The following NPAS1 variants were observed in gnomAD, a reference collection of about 807,000 sequenced individuals.
NPAS1 encodes neuronal PAS domain-containing protein 1.
Under a neutral mutation model 49.2 loss-of-function variants are expected in NPAS1, and 29 were observed. The observed-to-expected ratio is 0.59, with a 90% CI of 0.44 to 0.80. The LOEUF (loss-of-function observed/expected upper bound fraction) is 0.80, where lower values mean the gene tolerates loss of function less well. Ranked by LOEUF, NPAS1 falls within the 30% of genes least tolerant of loss-of-function variation. NPAS1 has a pLI of 0.00. For synonymous variants in NPAS1, 408 were observed against 380.4 expected, an observed-to-expected ratio of 1.07 and a Z score of -0.84; for missense variants, 825 against 835.5, an observed-to-expected ratio of 0.99 and a Z score of 0.15.
rs749867617 is a variant in NPAS1, at chr19:47,039,484, C to G, written c.882C>G (p.Pro294=). The G allele has an allele frequency of 3.7e-6, 6 of 1,611,020 alleles. No individual in the cohort carries two copies. The highest frequency in any genetic ancestry group is 5.1e-6 in the Non-Finnish European group (6 of 1,178,964). The change falls in exon 8 of 12, where the codon CCC becomes CCG. Residue 294 remains proline (P), a synonymous_variant. Coordinates refer to ENST00000602212, the MANE Select transcript of NPAS1 (RefSeq NM_002517.4). ...VALGHTLPPA[P]LAELPLHGHM... ...TCGGGCACACGTTGCCCCCGGCCCC[C>G]CTGGCTGAGCTGCCACTCCATGGAC... is the stretch of plus-strand genomic sequence containing the variant.
chr19:47,041,141 A>T lies in NPAS1; in HGVS notation c.1217+16A>T. On this transcript the variant is annotated intron_variant, in intron 10 of 11. Coordinates refer to ENST00000602212, the MANE Select transcript of NPAS1 (RefSeq NM_002517.4). ...ACGTGCTCAGGTGAGGGCTGTGCCC[A>T]CCCCTCCTGCAGGGCACTCAGGGCC... 2 of 1,551,732 alleles carry T rather than the reference A, an allele frequency of 1.3e-6. No homozygotes were observed. Among genetic ancestry groups the T allele is most frequent in the East Asian group, 2.4e-5 (1 of 42,402 alleles).
At position 47,032,302 on chromosome 19, in the gene NPAS1, C is replaced by A; in HGVS notation, c.383C>A (p.Ala128Glu). Residue 128 changes from alanine to glutamate, a missense_variant, in exon 4 of 12, where the codon GCG becomes GAG. By Grantham distance (107) the Ala-to-Glu change is moderately radical (BLOSUM62 -1). Coordinates refer to ENST00000602212, the MANE Select transcript of NPAS1 (RefSeq NM_002517.4). ...GLAPGRRGPA[A>E]LVSEVFEQHL... is the part of the protein sequence containing the mutation. ...GCCCCAGGCCGCCGCGGCCCCGCAG[C>A]GCTGGTCTCCGAAGTCTTCGAGCAG... The A allele has an allele frequency of 6.2e-7, 1 of 1,613,992 alleles. No individual in the cohort carries two copies. Among genetic ancestry groups the A allele is most frequent in the Non-Finnish European group, 8.5e-7 (1 of 1,180,002 alleles).
intron 11 of NPAS1, among the ~76,000 whole-genome samples, chr19:47,043,891 C>A (rs58325822): frequency 6.6e-6 from 1 of 151,818 alleles, no homozygotes; most frequent in Non-Finnish European, 1.5e-5. Context: ...ATAGTGAGAC[C>A]CCATCTCAAC....
At chr19:47,035,868 C>A in intron 5 of NPAS1, 96 bp from the exon 6 acceptor site, 1 of 1,277,666 alleles carries the variant, frequency 7.8e-7, no homozygotes, top group Non-Finnish European at 1.1e-6. Flanking sequence ...AGCGCACCTG[C>A]GTGCAGGCAA....
At chr19:47,035,099 T>G (rs1461762842) in intron 5 of NPAS1, among the ~76,000 whole-genome samples, 1 of 151,206 alleles carries the variant, frequency 6.6e-6, no homozygotes, top group African/African-American at 2.4e-5. Flanking sequence ...GAGAATTGCT[T>G]GAACCTGGGA....
intron 3 of NPAS1, 92 bp from the exon 4 acceptor site, chr19:47,032,186 G>A: frequency 1.7e-6 from 2 of 1,162,786 alleles, no homozygotes; most frequent in Admixed American, 3.9e-5. Context: ...AGCCTTAGGG[G>A]AAGAGAGGGA....
At chr19:47,036,197 C>T in intron 6 of NPAS1, 68 bp downstream of exon 6, 1 of 1,459,286 alleles carries the variant, frequency 6.9e-7, no homozygotes, top group Admixed American at 2.0e-5. Flanking sequence ...GTACTGTATC[C>T]AGCCATGCCG....
At chr19:47,031,193 GT>G (rs780068160) in intron 3 of NPAS1, among the ~76,000 whole-genome samples, 14,617 of 142,458 alleles carry the variant, frequency 0.1, 893 homozygotes, top group South Asian at 0.23. Context: ...GTGTGTGTGT[GT>G]TTTTTTTTTT....
intron 9 of NPAS1, 21 bp from the exon 10 acceptor site, chr19:47,040,957 C>T: frequency 7.1e-7 from 1 of 1,414,792 alleles, no homozygotes; most frequent in Admixed American, 2.9e-5. Context: ...CCCTTCCCAT[C>T]TCTCCCTGGG....
intron 3 of NPAS1, among the ~76,000 whole-genome samples, chr19:47,027,115 G>A (rs927304294): frequency 1.1e-4 from 17 of 152,202 alleles, no homozygotes; most frequent in African/African-American, 4.1e-4. Context: ...ACCCCATGGT[G>A]CTTGCCCCCA....
At chr19:47,035,204 A>G (rs948630526) in intron 5 of NPAS1, 2 of 153,236 alleles carry the variant, frequency 1.3e-5, no homozygotes, top group African/African-American at 4.8e-5. Context: ...GAAGAAGAAG[A>G]AGAAGAAGAA....
intron 10 of NPAS1, 100 bp from the exon 11 acceptor site, chr19:47,042,710 C>G: frequency 1.1e-6 from 1 of 899,882 alleles, no homozygotes; most frequent in Admixed American, 3.0e-5. Context: ...CACATTTCCC[C>G]GTGGGAGTGT....
Position 47,045,194 on chromosome 19 carries a change from C to T in NPAS1, c.1316C>T (p.Pro439Leu), listed in dbSNP as rs1225000874. 4.3e-6 allele frequency: 7 copies of T among 1,612,962 alleles called. No homozygotes were observed. The Admixed American group carries it at 1.0e-4, about 23-fold the overall frequency. Residue 439 changes from proline (P) to leucine (L), a missense_variant, in exon 12 of 12, where the codon CCG (proline) becomes CTG (leucine). Physicochemically the swap from Pro to Leu is moderately conservative, Grantham distance 98. Coordinates refer to ENST00000602212, the MANE Select transcript of NPAS1 (RefSeq NM_002517.4). ...CCTCAGCATCTTCCTCTTCCAGAGC[C>T]GGAGCCTCCGACGGAAGGGAAGCAG... ...ASSPGPEPTE[P>L]EPPTEGKQAA...
intron 3 of NPAS1, 66 bp from the exon 4 acceptor site, chr19:47,032,212 T>TC: frequency 6.8e-7 from 1 of 1,463,626 alleles, no homozygotes; most frequent in South Asian, 1.1e-5. Context: ...GTAGACTGGC[T>TC]CCCGGGGGAC....
chr19:47,031,408 G>C (rs929065606), intron 3 of NPAS1, among the ~76,000 whole-genome samples: 1 of 151,948 alleles, frequency 6.6e-6, no homozygotes, highest in East Asian at 1.9e-4. Context: ...ATGTTGCCCA[G>C]GCTGGTCTCA....
At chr19:47,020,478 C>T (rs896738357) in intron 1 of NPAS1, among the ~76,000 whole-genome samples, 1 of 151,876 alleles carries the variant, frequency 6.6e-6, no homozygotes, top group African/African-American at 2.4e-5. Context: ...CTGGGGGGAT[C>T]CCTGGGCAGG....
At chr19:47,025,531 G>A (rs1384581782) in intron 3 of NPAS1, among the ~76,000 whole-genome samples, 1 of 151,716 alleles carries the variant, frequency 6.6e-6, no homozygotes, top group Non-Finnish European at 1.5e-5. Flanking sequence ...GCCTGCCGCA[G>A]CCTCCCAAAG....
At position 47,041,025 on chromosome 19, in the gene NPAS1, C is replaced by A; in HGVS notation, c.1117C>A (p.Arg373Ser). 2 of 1,559,038 alleles carry A rather than the reference C, an allele frequency of 1.3e-6. No homozygotes were observed. Among genetic ancestry groups the A allele is most frequent in the Non-Finnish European group, 8.7e-7 (1 of 1,155,344 alleles). ...VMTGYYRWLQ[R>S]AGGFVWLQSV... ...GACTGGTTACTACCGTTGGCTGCAGCGTGCCGGGGGCTTCGTGTGGCTGCA... is the reference window on the plus strand; with the variant it reads ...GACTGGTTACTACCGTTGGCTGCAGAGTGCCGGGGGCTTCGTGTGGCTGCA... Residue 373 changes from arginine (R) to serine (S), a missense_variant, in exon 10 of 12, where the codon CGT (arginine) becomes AGT (serine). Transcript: ENST00000602212.
chr19:47,021,653 G>A lies in NPAS1; in HGVS notation c.164G>A (p.Arg55His), dbSNP rs987662628. The change falls in exon 3 of 12, where the codon CGC (arginine) becomes CAC (histidine). Residue 55 changes from arginine to histidine, a missense_variant. Transcript: ENST00000602212. This position sits in a 1 kb window ranked among gnomAD's most constrained non-coding sequence, Gnocchi z 5.7. ...AAGGAGAAGTCCCGGAACGCGGCGC[G>A]CTCGCGGCGCGGGAAGGAGAACCTG... ...QRKEKSRNAA[R>H]SRRGKENLEF... 6.4e-7 allele frequency: 1 copy of A among 1,553,150 alleles called. No homozygotes were observed. The highest frequency in any genetic ancestry group is 8.7e-7 in the Non-Finnish European group (1 of 1,150,814).
Sources: gnomAD v4.1 joint callset for allele counts (sites outside exome capture counted in the v4.1 genomes callset) on GRCh38, gnomAD v4.1.1 for gene constraint, Gnocchi (gnomAD v3.1) non-coding constraint, MANE v1.5 for transcripts, NCBI Gene and HGNC (gene_info 2026-07-23, HGNC 2026-07-21) for gene names.